Variants in TAFA1 observed in about 807,000 individuals in gnomAD.
TAFA1 encodes the protein chemokine-like protein TAFA-1.
A neutral mutation model predicts 18.5 loss-of-function variants in TAFA1; 4 were observed. The observed-to-expected ratio is 0.22, with a 90% CI of 0.11 to 0.49. TAFA1 has a LOEUF of 0.49. Among genes scored for constraint, TAFA1 ranks in the 20% least tolerant of loss-of-function variants. The probability of loss-of-function intolerance (pLI) is 0.98; values close to 1 mark genes in which losing one functional copy is unlikely to be tolerated. For missense variants in TAFA1, 147 were observed against 169.0 expected (o/e 0.87, Z 0.72); for synonymous variants, 56 against 55.2 (o/e 1.01, Z -0.06).
the TAFA1 span, among the ~76,000 whole-genome samples, chr3:67,994,760 C>T: frequency 1.3e-5 from 2 of 152,122 alleles, no homozygotes; most frequent in Admixed American, 6.6e-5. Flanking sequence ...TTGAGGCTGT[C>T]TTAGACAAGT....
chr3:68,161,762 G>A (rs1371616197), intron 2 of TAFA1, among the ~76,000 whole-genome samples: 2 of 151,988 alleles, frequency 1.3e-5, no homozygotes, highest in Admixed American at 1.3e-4. Flanking sequence ...TCCTCAAGCT[G>A]GGCCTTGTTT....
Position 68,161,196 on chromosome 3 carries a change from C to T in TAFA1, c.118+154452C>T, listed in dbSNP as rs1048062089. 1.8e-4 allele frequency among the ~76,000 whole-genome samples: 28 copies of T among 152,162 alleles called. 1 individual carries two copies. Among genetic ancestry groups the T allele is most frequent in the Middle Eastern group, 3.2e-3 (1 of 316 alleles). Reference sequence around the variant, plus strand: ...ATAAATTTTCCCATAGAAGGTATAACGCTATGATATGCTGGACCAAAAAAA... The same window carrying T: ...ATAAATTTTCCCATAGAAGGTATAATGCTATGATATGCTGGACCAAAAAAA... On this transcript the variant is annotated intron_variant, in intron 2 of 4. Transcript: ENST00000478136.
At chr3:68,238,072 C>G (rs975157405) in intron 2 of TAFA1, among the ~76,000 whole-genome samples, 1 of 152,044 alleles carries the variant, frequency 6.6e-6, no homozygotes, top group African/African-American at 2.4e-5. Context: ...CTAACGTTCA[C>G]TGGTCACTTT....
chr3:68,123,868 C>CT (rs1176537206), intron 2 of TAFA1, among the ~76,000 whole-genome samples: 2 of 67,170 alleles, frequency 3.0e-5, no homozygotes, highest in Non-Finnish European at 5.0e-5. Flanking sequence ...AAGAACAACA[C>CT]TTTTTTTTCC....
At chr3:68,081,278 G>C (rs1204144814) in intron 2 of TAFA1, among the ~76,000 whole-genome samples, 14 of 152,108 alleles carry the variant, frequency 9.2e-5, no homozygotes, top group Non-Finnish European at 1.9e-4. Context: ...ATAGCTCAGA[G>C]TAATTTGATC....
intron 2 of TAFA1, among the ~76,000 whole-genome samples, chr3:68,218,879 T>C (rs1321051647): frequency 6.6e-6 from 1 of 152,142 alleles, no homozygotes; most frequent in Non-Finnish European, 1.5e-5. Context: ...TAACTTTAGT[T>C]TCTTACTATC....
intron 2 of TAFA1, among the ~76,000 whole-genome samples, chr3:68,274,633 G>A (rs903918923): frequency 7.2e-5 from 11 of 152,168 alleles, no homozygotes; most frequent in African/African-American, 2.7e-4. Context: ...AGCCTAGATA[G>A]TTATAGCACC....
chr3:68,490,562 A>C (rs2175266), intron 3 of TAFA1, among the ~76,000 whole-genome samples: 69,845 of 151,944 alleles, frequency 0.46, 16,199 homozygotes, highest in East Asian at 0.59. Context: ...GATACAGAAG[A>C]ACAGAGTGAA....
chr3:68,328,268 G>C (rs2068808486), intron 2 of TAFA1, among the ~76,000 whole-genome samples: 1 of 152,098 alleles, frequency 6.6e-6, no homozygotes, highest in East Asian at 1.9e-4. Flanking sequence ...TGCCTGGCTT[G>C]GGCTGTGTGG....
intron 2 of TAFA1, among the ~76,000 whole-genome samples, chr3:68,098,451 T>A (rs375682630): frequency 2.6e-5 from 4 of 152,112 alleles, no homozygotes; most frequent in African/African-American, 9.7e-5. Flanking sequence ...AACTTCTATA[T>A]CTTAGTGAGT....
intron 2 of TAFA1, among the ~76,000 whole-genome samples, chr3:68,046,404 T>C (rs1276339426): frequency 1.3e-5 from 2 of 152,204 alleles, no homozygotes; most frequent in Non-Finnish European, 2.9e-5. Flanking sequence ...AATTTCAACT[T>C]TATTAAAAAA....
chr3:68,147,112 G>A (rs1295461987), intron 2 of TAFA1, among the ~76,000 whole-genome samples: 1 of 151,564 alleles, frequency 6.6e-6, no homozygotes, highest in African/African-American at 2.4e-5. Context: ...CTTTCTAGCT[G>A]GGGAGAGACT....
chr3:68,360,464 C>T (rs2069448812), intron 2 of TAFA1, among the ~76,000 whole-genome samples: 1 of 151,822 alleles, frequency 6.6e-6, no homozygotes, highest in Non-Finnish European at 1.5e-5. Context: ...TCACTCTTCA[C>T]CCGATATTTA....
At chr3:68,292,469 T>C (rs568904495) in intron 2 of TAFA1, among the ~76,000 whole-genome samples, 1 of 152,196 alleles carries the variant, frequency 6.6e-6, no homozygotes, top group East Asian at 1.9e-4. Flanking sequence ...TTTTAAGATT[T>C]TCATTTACAT....
chr3:68,231,639 C>T (rs922652130), intron 2 of TAFA1, among the ~76,000 whole-genome samples: 1 of 152,092 alleles, frequency 6.6e-6, no homozygotes, highest in Non-Finnish European at 1.5e-5. Context: ...GGATTACAGG[C>T]GTGAGCCACC....
At position 68,453,479 on chromosome 3, in the gene TAFA1, G is replaced by A. The variant is rs1237386542; in HGVS notation, c.259+36059G>A. ...CAAATGAGGAGGATGGCATATATAT[G>A]GGCTTGAACCACCAGGTGAGAGGAG... On this transcript the variant is annotated intron_variant, in intron 3 of 4. Coordinates refer to ENST00000478136, the MANE Select transcript of TAFA1 (RefSeq NM_213609.4). Among the ~76,000 whole-genome samples, 4 of 152,152 alleles carry A rather than the reference G, an allele frequency of 2.6e-5. No individual in the cohort carries two copies. In the East Asian group the frequency reaches 7.7e-4, roughly 29 times the overall value.
At chr3:68,520,747 CATG>C (rs1299639256) in intron 3 of TAFA1, among the ~76,000 whole-genome samples, 4 of 152,122 alleles carry the variant, frequency 2.6e-5, no homozygotes, top group Admixed American at 2.6e-4. Context: ...TGGAGGGACA[CATG>C]ATAAGGACAG....
At position 68,125,028 on chromosome 3, in the gene TAFA1, C is replaced by T. The variant is rs116624756; in HGVS notation, c.118+118284C>T. Among the ~76,000 whole-genome samples the T allele has an allele frequency of 1.0e-2, 1,515 of 152,182 alleles. 34 individuals are homozygous for T. Among genetic ancestry groups the T allele is most frequent in the African/African-American group, 0.035 (1,439 of 41,494 alleles). On this transcript the variant is annotated intron_variant, in intron 2 of 4. Transcript: ENST00000478136. Reference sequence around the variant, plus strand: ...GACTCTTGTAATACCTGAATGTGCTCGAAATAGACATGAAAAGGATGCATA... The same window carrying T: ...GACTCTTGTAATACCTGAATGTGCTTGAAATAGACATGAAAAGGATGCATA...
At chr3:68,198,777 C>G (rs76871292) in intron 2 of TAFA1, among the ~76,000 whole-genome samples, 1 of 151,434 alleles carries the variant, frequency 6.6e-6, no homozygotes, top group Non-Finnish European at 1.5e-5. Context: ...AGTCCTTTAT[C>G]AGATATGCCT....
Sources: gnomAD v4.1 joint callset for allele counts (sites outside exome capture counted in the v4.1 genomes callset) on GRCh38, gnomAD v4.1.1 for gene constraint, MANE v1.5 for transcripts, NCBI Gene and HGNC (gene_info 2026-07-23, HGNC 2026-07-21) for gene names.